The following POLD1 variants were observed in gnomAD, a reference collection of about 807,000 sequenced individuals.
The protein encoded by POLD1 is DNA polymerase delta catalytic subunit.
A neutral mutation model predicts 129.7 loss-of-function variants in POLD1; 79 were observed. The observed-to-expected ratio is 0.61, with a 90% CI of 0.51 to 0.73. The LOEUF is 0.73. Among genes scored for constraint, POLD1 ranks in the 30% least tolerant of loss-of-function variants. The pLI, the probability that POLD1 is intolerant of heterozygous loss-of-function variation, is 0.00. For synonymous variants in POLD1, 714 were observed against 683.3 expected (o/e 1.04, Z -0.70); for missense variants, 1,338 against 1,595.8 (o/e 0.84, Z 2.75).
chr19:50,417,249 C>T lies in POLD1; in HGVS notation c.3198C>T (p.His1066=), dbSNP rs569987101. 50 of 1,599,194 alleles carry T rather than the reference C, an allele frequency of 3.1e-5. No homozygotes were observed. The highest frequency in any genetic ancestry group is 3.1e-4 in the South Asian group (28 of 89,976). ...TQCQRCQGSL[H]EDVICTSRDC... ...GCCAGCGCTGCCAGGGCAGCCTGCA[C>T]GAGGACGTCATCTGCACCAGGTGTG... is the stretch of plus-strand genomic sequence containing the variant. The change falls in exon 26 of 27, where the codon CAC becomes CAT. Residue 1066 remains histidine (H), a synonymous_variant. Coordinates refer to ENST00000440232, the MANE Select transcript of POLD1 (RefSeq NM_002691.4).
intron 1 of POLD1, among the ~76,000 whole-genome samples, chr19:50,391,374 C>T (rs1411906792): frequency 2.6e-5 from 4 of 151,226 alleles, no homozygotes; most frequent in African/African-American, 9.8e-5. Flanking sequence ...TGTAGCGAGC[C>T]GAGATCACGC....
chr19:50,393,152 T>C (rs1019334142), intron 1 of POLD1, among the ~76,000 whole-genome samples: 3 of 152,200 alleles, frequency 2.0e-5, no homozygotes, highest in Non-Finnish European at 4.4e-5. Flanking sequence ...ATGTTTATAA[T>C]TGAGGTGGCA....
At chr19:50,395,343 C>T (rs1256302250) in intron 1 of POLD1, among the ~76,000 whole-genome samples, 2 of 151,742 alleles carry the variant, frequency 1.3e-5, no homozygotes, top group African/African-American at 4.8e-5. Flanking sequence ...CACCTATAAT[C>T]CCAGCACTTC....
intron 10 of POLD1, 49 bp downstream of exon 10, chr19:50,403,646 C>T: frequency 2.5e-6 from 3 of 1,195,482 alleles, no homozygotes; most frequent in Non-Finnish European, 3.8e-6. Context: ...CCAGGTGTGG[C>T]CTCCGGGCCC....
At chr19:50,416,757 C>CCT (rs1568640823) in intron 24 of POLD1, 34 bp downstream of exon 24, 1 of 1,434,546 alleles carries the variant, frequency 7.0e-7, no homozygotes, top group South Asian at 1.2e-5. Flanking sequence ...CCCCACTGGC[C>CCT]CTCAACCTGC....
chr19:50,398,340 G>A (rs1483818922), intron 1 of POLD1, among the ~76,000 whole-genome samples: 6 of 152,086 alleles, frequency 3.9e-5, no homozygotes, highest in Non-Finnish European at 8.8e-5. Flanking sequence ...GGGAGGCTGA[G>A]GCGAGTGGAT....
chr19:50,396,155 C>T (rs1216303928), intron 1 of POLD1, among the ~76,000 whole-genome samples: 20 of 149,884 alleles, frequency 1.3e-4, no homozygotes, highest in Non-Finnish European at 2.1e-4. Context: ...GGCGCGATCT[C>T]GGCTCACTGC....
intron 20 of POLD1, 78 bp from the exon 21 acceptor site, chr19:50,415,360 C>T: frequency 6.9e-7 from 1 of 1,441,494 alleles, no homozygotes; most frequent in Non-Finnish European, 9.6e-7. Context: ...ATCCTGGTCT[C>T]CAGCCCTGAG....
chr19:50,411,381 A>C (rs2039082571), intron 17 of POLD1, among the ~76,000 whole-genome samples: 1 of 152,186 alleles, frequency 6.6e-6, no homozygotes, highest in African/African-American at 2.4e-5. Context: ...GGCCAGGCCA[A>C]GAGAGCACAG....
At chr19:50,385,826 G>A (rs981698529) in intron 1 of POLD1, among the ~76,000 whole-genome samples, 4 of 152,072 alleles carry the variant, frequency 2.6e-5, no homozygotes, top group African/African-American at 7.3e-5. Flanking sequence ...ACCACGCACG[G>A]CCGCTTCTCC....
chr19:50,404,088 C>T (rs936267901), intron 10 of POLD1, among the ~76,000 whole-genome samples: 2 of 152,136 alleles, frequency 1.3e-5, no homozygotes, highest in Non-Finnish European at 2.9e-5. Flanking sequence ...GTCATTGTCT[C>T]ACCGTCCTGA....
Position 50,401,987 on chromosome 19 carries a change from C to G in POLD1, c.464-12C>G. 1 of 1,614,180 alleles carries G rather than the reference C, an allele frequency of 6.2e-7. No individual in the cohort carries two copies. Among genetic ancestry groups the G allele is most frequent in the South Asian group, 1.1e-5 (1 of 91,084 alleles). On this transcript the variant is annotated splice_polypyrimidine_tract_variant and intron_variant, in intron 4 of 26. Coordinates refer to ENST00000440232, the MANE Select transcript of POLD1 (RefSeq NM_002691.4). ...GAGCCCCCTGCACCTCTGATCATCC[C>G]TCCCACACCAGGTTTCGGGCCCGAG...
chr19:50,408,334 C>CA (rs1365344116), intron 14 of POLD1, among the ~76,000 whole-genome samples: 1 of 151,114 alleles, frequency 6.6e-6, no homozygotes, highest in Non-Finnish European at 1.5e-5. Context: ...GACTCCGTCT[C>CA]AAAAAAAATA....
intron 3 of POLD1, among the ~76,000 whole-genome samples, chr19:50,401,391 A>ATATATATATATT (rs1334231607): frequency 2.0e-4 from 13 of 65,952 alleles, no homozygotes; most frequent in African/African-American, 8.9e-4. Flanking sequence ...ATATATATAT[A>ATATATATATATT]TTTTTTTTTT....
Position 50,406,960 on chromosome 19 carries a change from A to C in POLD1, c.1495-23A>C, listed in dbSNP as rs2122334904. On this transcript the variant is annotated intron_variant, in intron 12 of 26. Coordinates refer to ENST00000440232, the MANE Select transcript of POLD1 (RefSeq NM_002691.4). This position sits in a 1 kb window ranked among gnomAD's most constrained non-coding sequence, Gnocchi z 5.5. ...TCCCACCCCCAACCCCTGGTCCCTGACCCCATCCGTGCCCATCCCCAGAAT... is the reference window on the plus strand; with the variant it reads ...TCCCACCCCCAACCCCTGGTCCCTGCCCCCATCCGTGCCCATCCCCAGAAT... 7.3e-7 allele frequency: 1 copy of C among 1,362,478 alleles called. No individual in the cohort carries two copies. Among genetic ancestry groups the C allele is most frequent in the Non-Finnish European group, 1.0e-6 (1 of 995,140 alleles). The allele number at this position is 1,362,478 out of a possible 1,614,324, so 84.4% of individuals were successfully genotyped here. A position where few individuals can be genotyped will look rare whatever the true frequency, so the allele number is the denominator to read the frequency against.
At chr19:50,411,488 G>A (rs1363850017) in intron 17 of POLD1, among the ~76,000 whole-genome samples, 2 of 145,080 alleles carry the variant, frequency 1.4e-5, no homozygotes, top group Non-Finnish European at 3.1e-5. Flanking sequence ...TCTGTCTCTT[G>A]ACCTCTTTCC....
At chr19:50,394,548 G>A (rs1167985317) in intron 1 of POLD1, among the ~76,000 whole-genome samples, 76 of 152,014 alleles carry the variant, frequency 5.0e-4, no homozygotes, top group Admixed American at 4.9e-3. Context: ...CCAGCTACTC[G>A]GGAGGCTGAG....
chr19:50,399,314 C>G (rs1239774493), intron 2 of POLD1, 57 bp from the exon 3 acceptor site: 1 of 1,427,106 alleles, frequency 7.0e-7, no homozygotes, highest in African/African-American at 1.4e-5. Context: ...CACATGCCAT[C>G]CTGGCCGGGG....
At chr19:50,387,441 G>A (rs934201369) in intron 1 of POLD1, among the ~76,000 whole-genome samples, 15 of 152,098 alleles carry the variant, frequency 9.9e-5, no homozygotes, top group African/African-American at 3.6e-4. Flanking sequence ...GCTACCGAAG[G>A]GTCGTGAGAG....
Sources: gnomAD v4.1 joint callset for allele counts (sites outside exome capture counted in the v4.1 genomes callset) on GRCh38, gnomAD v4.1.1 for gene constraint, Gnocchi (gnomAD v3.1) non-coding constraint, MANE v1.5 for transcripts, NCBI Gene and HGNC (gene_info 2026-07-23, HGNC 2026-07-21) for gene names.